The following GRIP1 variants were observed in gnomAD, a reference collection of about 807,000 sequenced individuals.
GRIP1 encodes glutamate receptor-interacting protein 1.
A neutral mutation model predicts 129.9 loss-of-function variants in GRIP1; 45 were observed. The observed-to-expected ratio is 0.35, with a 90% CI of 0.27 to 0.44. The LOEUF is 0.44. Among genes scored for constraint, GRIP1 ranks in the 20% least tolerant of loss-of-function variants. The pLI, the probability that GRIP1 is intolerant of heterozygous loss-of-function variation, is 1.00. For missense variants in GRIP1, 1,196 were observed against 1,396.8 expected, an observed-to-expected ratio of 0.86 and a Z score of 2.29; for synonymous variants, 530 against 520.8, an observed-to-expected ratio of 1.02 and a Z score of -0.24.
chr12:66,439,251 A>G (rs966334063), intron 13 of GRIP1, among the ~76,000 whole-genome samples: 7 of 152,116 alleles, frequency 4.6e-5, no homozygotes, highest in Non-Finnish European at 1.5e-5. Context: ...CCCAATTCTC[A>G]GATCTCTCCT....
chr12:67,066,111 A>G (rs560426791), intron 1 of GRIP1, among the ~76,000 whole-genome samples: 50 of 152,218 alleles, frequency 3.3e-4, no homozygotes, highest in Non-Finnish European at 6.6e-4. Flanking sequence ...GCAACAACCC[A>G]TATGTTACAG....
intron 1 of GRIP1, among the ~76,000 whole-genome samples, chr12:66,670,834 C>A (rs556190678): frequency 6.6e-6 from 1 of 152,290 alleles, no homozygotes; most frequent in East Asian, 1.9e-4. Flanking sequence ...CATTTTCAGA[C>A]AGGCTCTGCC....
chr12:66,911,851 G>A (rs1237627939), intron 1 of GRIP1, among the ~76,000 whole-genome samples: 1 of 152,138 alleles, frequency 6.6e-6, no homozygotes, highest in Non-Finnish European at 1.5e-5. Context: ...GAGCAACACT[G>A]GAGTGAACAC....
At chr12:66,975,450 T>C (rs1165988244) in intron 1 of GRIP1, among the ~76,000 whole-genome samples, 2 of 152,176 alleles carry the variant, frequency 1.3e-5, no homozygotes, top group African/African-American at 2.4e-5. Context: ...GTGCTACAAA[T>C]AGCAAATTTG....
chr12:67,023,953 A>G (rs2042904400), intron 1 of GRIP1, among the ~76,000 whole-genome samples: 1 of 150,816 alleles, frequency 6.6e-6, no homozygotes, highest in South Asian at 2.1e-4. Context: ...CCTTCCTTCC[A>G]TCTAAGCAGA....
chr12:66,984,493 G>A (rs2042282575), intron 1 of GRIP1, among the ~76,000 whole-genome samples: 1 of 152,154 alleles, frequency 6.6e-6, no homozygotes, highest in African/African-American at 2.4e-5. Context: ...TGCTTACTGT[G>A]TGCCAGGTAT....
intron 1 of GRIP1, among the ~76,000 whole-genome samples, chr12:67,062,920 A>C (rs1255269438): frequency 1.3e-5 from 2 of 152,226 alleles, no homozygotes; most frequent in Admixed American, 1.3e-4. Flanking sequence ...AAGAATAAAA[A>C]TTATTGATTG....
intron 23 of GRIP1, among the ~76,000 whole-genome samples, chr12:66,364,413 G>A (rs1269515959): frequency 1.3e-5 from 2 of 151,946 alleles, no homozygotes; most frequent in South Asian, 2.1e-4. Context: ...ACTGGGTCCT[G>A]CAAACCTCCT....
At chr12:66,407,596 C>T (rs1172904639) in intron 15 of GRIP1, among the ~76,000 whole-genome samples, 8 of 152,206 alleles carry the variant, frequency 5.3e-5, no homozygotes, top group South Asian at 2.1e-4. Context: ...CCTGTCACAG[C>T]GGAAAGCAAC....
chr12:66,987,011 C>T (rs146275556), intron 1 of GRIP1, among the ~76,000 whole-genome samples: 26 of 152,174 alleles, frequency 1.7e-4, no homozygotes, highest in Middle Eastern at 6.8e-3. Flanking sequence ...TGGACAAATA[C>T]AGGATTCAGC....
intron 2 of GRIP1, among the ~76,000 whole-genome samples, chr12:66,575,381 A>G (rs774449237): frequency 1.3e-5 from 2 of 152,252 alleles, no homozygotes; most frequent in Non-Finnish European, 2.9e-5. Flanking sequence ...TATTGATGAT[A>G]CCAATGTGTC....
At chr12:66,647,779 T>C (rs1353489972) in intron 1 of GRIP1, among the ~76,000 whole-genome samples, 4 of 152,326 alleles carry the variant, frequency 2.6e-5, no homozygotes, top group Non-Finnish European at 4.4e-5. Context: ...TTTTTCCTCC[T>C]CCTTCTCTGG....
chr12:67,009,131 C>A (rs920179718), intron 1 of GRIP1, among the ~76,000 whole-genome samples: 9 of 152,134 alleles, frequency 5.9e-5, no homozygotes, highest in Non-Finnish European at 7.4e-5. Context: ...CTATTTTAAT[C>A]ATGATTTTTA....
intron 23 of GRIP1, among the ~76,000 whole-genome samples, chr12:66,371,489 C>T (rs2055493566): frequency 6.6e-6 from 1 of 152,154 alleles, no homozygotes; most frequent in South Asian, 2.1e-4. Context: ...AAATACATTG[C>T]TTGAAAGCTA....
intron 2 of GRIP1, among the ~76,000 whole-genome samples, chr12:66,565,887 A>G (rs1449166533): frequency 6.6e-6 from 1 of 152,158 alleles, no homozygotes; most frequent in Non-Finnish European, 1.5e-5. Context: ...CTTTGAAACA[A>G]TTGTGAATGG....
Position 66,583,634 on chromosome 12 carries a change from G to A in GRIP1, c.136+13213C>T, listed in dbSNP as rs542327791. On this transcript the variant is annotated intron_variant, in intron 2 of 24. Transcript: ENST00000359742. ...ACACCTCTCAAAAGAAGACATTTAC[G>A]CAGCCAAAAAACACATGAAAAAATG... 9.3e-5 allele frequency among the ~76,000 whole-genome samples: 13 copies of A among 140,318 alleles called. 1 individual carries two copies. Among genetic ancestry groups the A allele is most frequent in the African/African-American group, 2.1e-4 (8 of 38,440 alleles). 92.1% of individuals were successfully genotyped at this position (140,318 alleles called of 152,430 possible). A position where few individuals can be genotyped will look rare whatever the true frequency, so the allele number is the denominator to read the frequency against.
intron 1 of GRIP1, among the ~76,000 whole-genome samples, chr12:66,820,743 A>G (rs574862477): frequency 1.3e-5 from 2 of 152,296 alleles, no homozygotes; most frequent in Non-Finnish European, 2.9e-5. Context: ...AAGTGAAAGA[A>G]GCCAATCCAA....
chr12:67,056,394 G>C (rs951010502), intron 1 of GRIP1, among the ~76,000 whole-genome samples: 1 of 152,204 alleles, frequency 6.6e-6, no homozygotes, highest in African/African-American at 2.4e-5. Context: ...GACCAGGACT[G>C]TCAACCAGAG....
At chr12:66,578,447 G>A (rs1479488926) in intron 2 of GRIP1, among the ~76,000 whole-genome samples, 1 of 152,120 alleles carries the variant, frequency 6.6e-6, no homozygotes, top group African/African-American at 2.4e-5. Flanking sequence ...GCCAAAGCAG[G>A]GCGAGGCATT....
Sources: allele counts gnomAD v4.1 joint callset (sites outside exome capture counted in the v4.1 genomes callset), GRCh38; gene constraint gnomAD v4.1.1; transcripts MANE v1.5; gene names NCBI Gene and HGNC (gene_info 2026-07-23, HGNC 2026-07-21).